The following KIAA1328 variants were observed in gnomAD, a reference collection of about 807,000 sequenced individuals.
KIAA1328 encodes KIAA1328, also known as protein hinderin.
KIAA1328 carries 52 observed loss-of-function variants against 68.1 expected under a neutral mutation model. The ratio of observed to expected loss-of-function variants is 0.76; its 90% CI spans 0.61 to 0.96. The LOEUF (loss-of-function observed/expected upper bound fraction) is 0.96, where lower values mean the gene tolerates loss of function less well. KIAA1328 is among the 40% of genes least tolerant of loss of function. The pLI is 0.00. For synonymous variants in KIAA1328, 232 were observed against 239.4 expected, an observed-to-expected ratio of 0.97 and a Z score of 0.28; for missense variants, 641 against 677.6, an observed-to-expected ratio of 0.95 and a Z score of 0.60.
At chr18:37,140,585 A>G (rs1390630373) in intron 7 of KIAA1328, among the ~76,000 whole-genome samples, 1 of 152,072 alleles carries the variant, frequency 6.6e-6, no homozygotes, top group Non-Finnish European at 1.5e-5. Context: ...CTACTCAAAA[A>G]TTTTCATTTA....
chr18:37,067,291 A>G lies in KIAA1328; in HGVS notation c.978A>G (p.Gln326=). 13 of 1,613,998 alleles carry G rather than the reference A, an allele frequency of 8.1e-6. No homozygotes were observed. Among genetic ancestry groups the G allele is most frequent in the Non-Finnish European group, 1.1e-5 (13 of 1,179,888 alleles). Residue 326 remains glutamine, a synonymous_variant, in exon 7 of 10, where the codon CAA becomes CAG. Transcript: ENST00000280020. The part of the protein sequence containing the change: ...HDSHPTNMTP[Q]HPKTHPESCS... The stretch of plus-strand genomic sequence containing the variant: ...GCCATCCTACAAACATGACCCCTCA[A>G]CATCCTAAGACACATCCAGAATCAT...
At chr18:37,185,228 C>T (rs903567943) in intron 9 of KIAA1328, among the ~76,000 whole-genome samples, 19 of 151,944 alleles carry the variant, frequency 1.3e-4, no homozygotes, top group Non-Finnish European at 2.4e-4. Flanking sequence ...CCATGTCATT[C>T]ACAGCATGGC....
intron 4 of KIAA1328, among the ~76,000 whole-genome samples, chr18:36,863,942 A>G (rs537596340): frequency 4.8e-4 from 73 of 152,254 alleles, no homozygotes; most frequent in Non-Finnish European, 8.2e-4. Flanking sequence ...GTAGACTATC[A>G]TGTCATTTGC....
At chr18:36,877,343 A>G (rs2048162916) in intron 4 of KIAA1328, among the ~76,000 whole-genome samples, 1 of 152,074 alleles carries the variant, frequency 6.6e-6, no homozygotes, top group Non-Finnish European at 1.5e-5. Context: ...TTGCTTTATG[A>G]ATGTAGGTGC....
chr18:36,987,364 T>C (rs1598900030), intron 6 of KIAA1328, among the ~76,000 whole-genome samples: 3 of 146,770 alleles, frequency 2.0e-5, no homozygotes, highest in South Asian at 4.5e-4. Flanking sequence ...AGGGGTAGCA[T>C]TGGGAGATAT....
intron 6 of KIAA1328, among the ~76,000 whole-genome samples, chr18:37,061,122 A>G (rs1599120595): frequency 6.6e-6 from 1 of 152,234 alleles, no homozygotes; most frequent in African/African-American, 2.4e-5. Flanking sequence ...CTCAAAAAAA[A>G]AGAGAAAGAA....
At chr18:36,981,863 GAT>G (rs1054013151) in intron 6 of KIAA1328, among the ~76,000 whole-genome samples, 2 of 151,374 alleles carry the variant, frequency 1.3e-5, no homozygotes, top group African/African-American at 4.9e-5. Context: ...GAAGTGCTGG[GAT>G]TATAGGCATG....
chr18:36,885,511 A>G, intron 4 of KIAA1328, 46 bp from the exon 5 acceptor site: 1 of 1,175,508 alleles, frequency 8.5e-7, no homozygotes, highest in Non-Finnish European at 1.2e-6. Context: ...GCACATATTT[A>G]ATTTTATTCT....
At chr18:36,885,504 C>T (rs1040011827) in intron 4 of KIAA1328, 53 bp from the exon 5 acceptor site, 2 of 1,033,338 alleles carry the variant, frequency 1.9e-6, no homozygotes, top group African/African-American at 1.7e-5. Context: ...GCTGTAGGCA[C>T]ATATTTAATT....
At chr18:37,179,123 A>G (rs2059651131) in intron 9 of KIAA1328, among the ~76,000 whole-genome samples, 1 of 152,128 alleles carries the variant, frequency 6.6e-6, no homozygotes, top group South Asian at 2.1e-4. Flanking sequence ...TTTTGAGGCT[A>G]TATCCAGGAA....
intron 9 of KIAA1328, among the ~76,000 whole-genome samples, chr18:37,218,158 G>T (rs1438426375): frequency 1.3e-5 from 2 of 152,212 alleles, no homozygotes; most frequent in African/African-American, 4.8e-5. Flanking sequence ...AAAGACAAAT[G>T]GTTACAAAAA....
At chr18:37,160,097 A>T (rs576192048) in intron 7 of KIAA1328, 103 bp from the exon 8 acceptor site, 7 of 811,928 alleles carry the variant, frequency 8.6e-6, no homozygotes, top group African/African-American at 1.8e-5. Context: ...AGATAAAGAG[A>T]GTTCTTAATG....
In KIAA1328 at chr18:36,833,765, A is replaced by G. The variant is rs75931160; in HGVS notation, c.59-555A>G. On this transcript the variant is annotated intron_variant, in intron 1 of 9. Transcript: ENST00000280020. Reference sequence around the variant, plus strand: ...AATTCAAAATAGTTCTTTTTGTCTTAAATTTCTTCTACTTTTTAAATAGTA... The same window carrying G: ...AATTCAAAATAGTTCTTTTTGTCTTGAATTTCTTCTACTTTTTAAATAGTA... 1.0e-3 allele frequency among the ~76,000 whole-genome samples: 156 copies of G among 152,326 alleles called. 2 individuals are homozygous for G. Among genetic ancestry groups the G allele is most frequent in the African/African-American group, 3.7e-3 (154 of 41,576 alleles).
At chr18:37,134,149 G>T (rs1480468654) in intron 7 of KIAA1328, among the ~76,000 whole-genome samples, 1 of 151,992 alleles carries the variant, frequency 6.6e-6, no homozygotes, top group African/African-American at 2.4e-5. Flanking sequence ...GAGTAGCTGG[G>T]ATTACAGGCA....
At chr18:37,108,679 A>C (rs1162728269) in intron 7 of KIAA1328, among the ~76,000 whole-genome samples, 1 of 152,292 alleles carries the variant, frequency 6.6e-6, no homozygotes, top group Admixed American at 6.5e-5. Flanking sequence ...GCATGGTCTT[A>C]CATAGCCTTT....
At chr18:36,833,214 A>AGGTTGTGG (rs1177293591) in intron 1 of KIAA1328, 1 of 152,196 alleles carries the variant, frequency 6.6e-6, no homozygotes, top group Non-Finnish European at 1.5e-5. Context: ...GGAGGTAGGT[A>AGGTTGTGG]GGTTGTGGGA....
chr18:36,942,749 G>T (rs1179293394), intron 5 of KIAA1328, among the ~76,000 whole-genome samples: 2 of 152,078 alleles, frequency 1.3e-5, no homozygotes, highest in Non-Finnish European at 2.9e-5. Flanking sequence ...CTTGTGTATG[G>T]TAGAAATTAG....
rs1426714542 is a variant in KIAA1328 at position 36,885,554 on chromosome 18, C to A, written c.333-3C>A. ...GTTAAAGGTTTTTTTTTTTTTATTT[C>A]AGAGTAAGTGAGGAAAAGGAAGTGA... is the stretch of plus-strand genomic sequence containing the variant. On this transcript the variant is annotated splice_polypyrimidine_tract_variant and splice_region_variant and intron_variant, in intron 4 of 9. Transcript: ENST00000280020. The A allele has an allele frequency of 7.0e-6, 10 of 1,436,108 alleles. No individual in the cohort carries two copies. The highest frequency in any genetic ancestry group is 1.4e-5 in the South Asian group (1 of 71,964). 89.0% of individuals were successfully genotyped at this position (1,436,108 alleles called of 1,614,324 possible).
intron 6 of KIAA1328, among the ~76,000 whole-genome samples, chr18:37,053,677 A>G (rs1476014970): frequency 1.3e-5 from 2 of 152,176 alleles, no homozygotes; most frequent in African/African-American, 4.8e-5. Context: ...CCGGAAACTT[A>G]CAATCATGGT....
Sources: allele counts gnomAD v4.1 joint callset (sites outside exome capture counted in the v4.1 genomes callset), GRCh38; gene constraint gnomAD v4.1.1; transcripts MANE v1.5; gene names NCBI Gene and HGNC (gene_info 2026-07-23, HGNC 2026-07-21).